Variants in SOCS7 observed in about 807,000 individuals in gnomAD.
SOCS7 encodes the protein suppressor of cytokine signaling 7, also known as NAP-4.
In SOCS7, 18 loss-of-function variants were observed where a neutral mutation model predicts 58.9. The ratio of observed to expected loss-of-function variants is 0.31; its 90% confidence interval spans 0.21 to 0.45. The LOEUF (loss-of-function observed/expected upper bound fraction) is 0.45, where lower values mean the gene tolerates loss of function less well. Among genes scored for constraint, SOCS7 ranks in the 20% least tolerant of loss-of-function variants. SOCS7 has a pLI of 1.00. For missense variants in SOCS7, 667 were observed against 837.3 expected, an observed-to-expected ratio of 0.80 and a Z score of 2.51; for synonymous variants, 388 against 364.3, an observed-to-expected ratio of 1.06 and a Z score of -0.74.
Position 38,395,704 on chromosome 17 carries a change from A to C in SOCS7, c.1818-144A>C, listed in dbSNP as rs919473925. On this transcript the variant is annotated intron_variant, in intron 8 of 9. Transcript: ENST00000612932. ...AGAGTAGAAGTGGTAAGAGTAAGGA[A>C]GACAGAACTATAATAACTGAGAAAA... The C allele has an allele frequency of 6.5e-6, 6 of 924,550 alleles. No individual in the cohort carries two copies. The African/African-American group carries it at 1.0e-4, about 15-fold the overall frequency. 57.3% of individuals were successfully genotyped at this position (924,550 alleles called of 1,614,324 possible). A position where few individuals can be genotyped will look rare whatever the true frequency, so the allele number is the denominator to read the frequency against.
intron 1 of SOCS7, among the ~76,000 whole-genome samples, chr17:38,358,038 AG>A (rs1044103956): frequency 2.0e-5 from 3 of 152,208 alleles, no homozygotes; most frequent in Non-Finnish European, 4.4e-5. Flanking sequence ...CCTACAGCAT[AG>A]GCAGTAATTT....
chr17:38,371,369 G>T (rs1027107233), intron 6 of SOCS7, among the ~76,000 whole-genome samples: 5 of 151,708 alleles, frequency 3.3e-5, no homozygotes, highest in Non-Finnish European at 5.9e-5. Flanking sequence ...CTGCCTTTTG[G>T]GTTCAGGCAA....
At chr17:38,397,425 T>C (rs566662910) in intron 9 of SOCS7, among the ~76,000 whole-genome samples, 35 of 152,346 alleles carry the variant, frequency 2.3e-4, no homozygotes, top group African/African-American at 7.5e-4. Context: ...CTGTTCCTGA[T>C]CATGCCACAC....
rs150036279 is a variant in SOCS7 at position 38,372,022 on chromosome 17, C to T, written c.1552+3972C>T. On this transcript the variant is annotated intron_variant, in intron 6 of 9. Transcript: ENST00000612932. ...CAAAACTGCTGTTCCTGTCTTTCCT[C>T]GACTATTCCATATGGTCTCTAAGAA... Among the ~76,000 whole-genome samples the T allele has an allele frequency of 7.4e-4, 112 of 152,102 alleles. 1 individual carries two copies. The East Asian group carries it at 0.02, about 27-fold the overall frequency.
intron 6 of SOCS7, among the ~76,000 whole-genome samples, chr17:38,368,370 C>T (rs2037819268): frequency 6.6e-6 from 1 of 152,096 alleles, no homozygotes; most frequent in South Asian, 2.1e-4. Flanking sequence ...GAAGAAAGAA[C>T]CTAGGACCAT....
At chr17:38,378,836 A>G (rs906749801) in intron 7 of SOCS7, among the ~76,000 whole-genome samples, 1 of 152,100 alleles carries the variant, frequency 6.6e-6, no homozygotes, top group East Asian at 1.9e-4. Flanking sequence ...AATGACACGG[A>G]CATTAATATG....
intron 4 of SOCS7, 61 bp from the exon 5 acceptor site, chr17:38,366,226 G>A (rs1399370261): frequency 1.9e-6 from 3 of 1,589,274 alleles, no homozygotes; most frequent in South Asian, 1.1e-5. Context: ...TTGGGGGAGG[G>A]TCTATTTGTG....
intron 7 of SOCS7, 76 bp from the exon 8 acceptor site, chr17:38,395,233 G>A (rs34252831): frequency 6.6e-7 from 1 of 1,508,252 alleles, no homozygotes; most frequent in East Asian, 2.3e-5. Flanking sequence ...CCCCTCCCTA[G>A]GTTCTCTTCA....
Position 38,367,946 on chromosome 17 carries a change from A to G in SOCS7, c.1448A>G (p.Asp483Gly). ...GAGATGAAGCTGAAAGGGAAACCAG[A>G]TGGTTCTTTCCTGGTACGAGACAGT... Reference protein sequence around the residue: ...DAEMKLKGKPDGSFLVRDSSD... With the variant: ...DAEMKLKGKPGGSFLVRDSSD... The change falls in exon 6 of 10, where the codon GAT becomes GGT. Residue 483 changes from aspartate (D) to glycine (G), a missense_variant. By Grantham distance (94) the Asp-to-Gly change is moderately conservative. Around this residue, in one of 9 missense-constraint regions of SOCS7, gnomAD observed 76 missense variants for 194.5 expected, o/e 0.39. Coordinates refer to ENST00000612932, the MANE Select transcript of SOCS7 (RefSeq NM_014598.4). 1 of 1,614,102 alleles carries G rather than the reference A, an allele frequency of 6.2e-7. No homozygotes were observed. Among genetic ancestry groups the G allele is most frequent in the South Asian group, 1.1e-5 (1 of 91,074 alleles).
chr17:38,378,710 C>G (rs912430812), intron 7 of SOCS7, among the ~76,000 whole-genome samples: 1 of 152,174 alleles, frequency 6.6e-6, no homozygotes, highest in Non-Finnish European at 1.5e-5. Context: ...GCTATCCTTG[C>G]TGATGTGATT....
At chr17:38,386,986 T>C (rs2038075669) in intron 7 of SOCS7, among the ~76,000 whole-genome samples, 1 of 145,412 alleles carries the variant, frequency 6.9e-6, no homozygotes, top group Non-Finnish European at 1.5e-5. Flanking sequence ...CTCGGGCAGC[T>C]GAGGCAGGAG....
chr17:38,390,261 C>G (rs1187066112), intron 7 of SOCS7, among the ~76,000 whole-genome samples: 2 of 152,094 alleles, frequency 1.3e-5, no homozygotes, highest in African/African-American at 2.4e-5. Context: ...GGACTCAGTT[C>G]TATTCCATTG....
chr17:38,352,127 T>C lies in SOCS7; in HGVS notation c.75T>C (p.Leu25=). The C allele has an allele frequency of 1.0e-6, 1 of 978,970 alleles. No individual in the cohort carries two copies. Among genetic ancestry groups the C allele is most frequent in the South Asian group, 4.6e-5 (1 of 21,792 alleles). 60.6% of individuals were successfully genotyped at this position (978,970 alleles called of 1,614,324 possible). A position where few individuals can be genotyped will look rare whatever the true frequency, so the allele number is the denominator to read the frequency against. ...AASYRVLSRL[L]GYGEAAPEPG... ...CGTACCGCGTCCTGAGCCGCCTCCT[T>C]GGCTATGGAGAGGCGGCCCCCGAGC... Residue 25 remains leucine, a synonymous_variant, in exon 1 of 10, where the codon CTT becomes CTC. Coordinates refer to ENST00000612932, the MANE Select transcript of SOCS7 (RefSeq NM_014598.4). This position sits in a 1 kb window ranked among gnomAD's most constrained non-coding sequence, Gnocchi z 5.5.
Position 38,405,148 on chromosome 17 carries a change from A to G in SOCS7, c.*5666A>G, listed in dbSNP as rs1371019399. On this transcript the variant is annotated 3_prime_UTR_variant, in exon 10 of 10. Transcript: ENST00000612932. ...AATTTATTAAAATAGTTGCTGTATA[A>G]TTTATTTTCATAAACTATAAAAAAA... The G allele has an allele frequency of 6.7e-6, 1 of 150,104 alleles. No individual in the cohort carries two copies. Among genetic ancestry groups the G allele is most frequent in the African/African-American group, 2.4e-5 (1 of 41,056 alleles). 9.3% of individuals were successfully genotyped at this position (150,104 alleles called of 1,614,324 possible). A position where few individuals can be genotyped will look rare whatever the true frequency, so the allele number is the denominator to read the frequency against.
chr17:38,389,915 AGAGAGAGAGAGAGT>A (rs1382077608), intron 7 of SOCS7, among the ~76,000 whole-genome samples: 13 of 113,562 alleles, frequency 1.1e-4, no homozygotes, highest in Non-Finnish European at 2.1e-4. Context: ...ATAGAGAGAG[AGAGAGAGAGAGAGT>A]GAGAGAGAGA....
At chr17:38,381,069 T>A (rs1321898743) in intron 7 of SOCS7, among the ~76,000 whole-genome samples, 1 of 152,112 alleles carries the variant, frequency 6.6e-6, no homozygotes, top group East Asian at 1.9e-4. Context: ...GAGGTAGTAG[T>A]AATCAGATTG....
intron 6 of SOCS7, among the ~76,000 whole-genome samples, chr17:38,371,393 G>A (rs1232324116): frequency 6.6e-6 from 1 of 152,020 alleles, no homozygotes; most frequent in African/African-American, 2.4e-5. Context: ...TCCTGCCTCA[G>A]CCTCCTGAGT....
At chr17:38,375,133 T>TC in intron 6 of SOCS7, among the ~76,000 whole-genome samples, 1 of 152,260 alleles carries the variant, frequency 6.6e-6, no homozygotes, top group Middle Eastern at 3.4e-3. Flanking sequence ...AGTTCAAGGA[T>TC]GCAGTGAGCT....
At chr17:38,387,755 A>G (rs1201762705) in intron 7 of SOCS7, among the ~76,000 whole-genome samples, 1 of 131,836 alleles carries the variant, frequency 7.6e-6, no homozygotes, top group East Asian at 2.0e-4. Flanking sequence ...ATGGAATTAA[A>G]CATACTTAAT....
Sources: gnomAD v4.1 joint callset for allele counts (sites outside exome capture counted in the v4.1 genomes callset) on GRCh38, gnomAD v4.1.1 for gene constraint, gnomAD v4.1.1 regional missense constraint, Gnocchi (gnomAD v3.1) non-coding constraint, MANE v1.5 for transcripts, NCBI Gene and HGNC (gene_info 2026-07-23, HGNC 2026-07-21) for gene names.